The following ASPSCR1 variants were observed in gnomAD, a reference collection of about 807,000 sequenced individuals.
The protein encoded by ASPSCR1 is ASPSCR1 tether for SLC2A4, UBX domain containing, also known as tether containing UBX domain for GLUT4.
In ASPSCR1, 55 loss-of-function variants were observed where a neutral mutation model predicts 68.9. The ratio of observed to expected loss-of-function variants is 0.80; its 90% CI spans 0.64 to 1.00. The LOEUF (loss-of-function observed/expected upper bound fraction) is 1.00. Among genes scored for constraint, ASPSCR1 ranks in the 50% least tolerant of loss-of-function variants. The pLI is 0.00. For missense variants in ASPSCR1, 765 were observed against 762.2 expected, an observed-to-expected ratio of 1.00 and a Z score of -0.04; for synonymous variants, 352 against 332.6, an observed-to-expected ratio of 1.06 and a Z score of -0.63.
intron 9 of ASPSCR1, among the ~76,000 whole-genome samples, chr17:82,010,515 T>G (rs58866411): frequency 1.4e-5 from 2 of 139,608 alleles, no homozygotes; most frequent in African/African-American, 2.7e-5. Flanking sequence ...GGCGACAGAG[T>G]GAGACTCCAT....
At chr17:81,992,416 G>T (rs1446390632) in intron 4 of ASPSCR1, among the ~76,000 whole-genome samples, 1 of 152,224 alleles carries the variant, frequency 6.6e-6, no homozygotes, top group Non-Finnish European at 1.5e-5. Context: ...TCAAAGCCGG[G>T]CTGGCGTTTG....
At chr17:82,016,612 GT>G in intron 13 of ASPSCR1, 85 bp downstream of exon 13, 1 of 1,521,542 alleles carries the variant, frequency 6.6e-7, no homozygotes, top group South Asian at 1.2e-5. Flanking sequence ...AGGGCGTTCG[GT>G]CTGGGGCCTC....
chr17:81,985,476 A>G, intron 3 of ASPSCR1, 31 bp from the exon 4 acceptor site: 1 of 1,602,460 alleles, frequency 6.2e-7, no homozygotes. Flanking sequence ...TTTTCTTCCT[A>G]AGGAAGTTTC....
chr17:82,004,944 G>A (rs2042661230), intron 7 of ASPSCR1: 1 of 152,472 alleles, frequency 6.6e-6, no homozygotes, highest in Non-Finnish European at 1.5e-5. Flanking sequence ...CTGTCTGGAA[G>A]AGCCCAGCTG....
chr17:81,984,376 G>A (rs978576299), intron 3 of ASPSCR1, among the ~76,000 whole-genome samples: 2 of 151,972 alleles, frequency 1.3e-5, no homozygotes, highest in African/African-American at 2.4e-5. Context: ...TCAGGAGTTT[G>A]GGACCAGCCG....
In ASPSCR1 at chr17:81,994,885, G is replaced by A. The variant is rs377403408; in HGVS notation, c.432+7G>A. Reference sequence around the variant, plus strand: ...CGTGTACACGAGGGATGAGGTAGGCGGCCTGCTCTTGCTCACCCAGTCCCC... The same window carrying A: ...CGTGTACACGAGGGATGAGGTAGGCAGCCTGCTCTTGCTCACCCAGTCCCC... On this transcript the variant is annotated splice_region_variant and intron_variant, in intron 5 of 15. Transcript: ENST00000306739. 2.4e-5 allele frequency: 38 copies of A among 1,609,044 alleles called. No individual in the cohort carries two copies. The African/African-American group carries it at 3.2e-4, about 14-fold the overall frequency.
intron 9 of ASPSCR1, among the ~76,000 whole-genome samples, chr17:82,010,547 A>T (rs9896558): frequency 7.1e-6 from 1 of 141,312 alleles, no homozygotes; most frequent in Non-Finnish European, 1.5e-5. Context: ...AAAAAAAAAA[A>T]AAAAACCAGC....
At chr17:81,995,958 C>G in intron 5 of ASPSCR1, 34 bp from the exon 6 acceptor site, 6 of 1,598,286 alleles carry the variant, frequency 3.8e-6, no homozygotes, top group Non-Finnish European at 5.1e-6. Flanking sequence ...GGTCCCGGTG[C>G]AAGGCGCACC....
At chr17:82,012,689 G>A (rs916749530) in intron 12 of ASPSCR1, among the ~76,000 whole-genome samples, 8 of 152,164 alleles carry the variant, frequency 5.3e-5, no homozygotes, top group African/African-American at 1.4e-4. Flanking sequence ...GGAGGCGGCC[G>A]CCTTGGGCTT....
intron 12 of ASPSCR1, 71 bp from the exon 13 acceptor site, chr17:82,016,405 G>A (rs967244225): frequency 1.1e-5 from 16 of 1,392,506 alleles, no homozygotes; most frequent in East Asian, 2.5e-5. Context: ...GGCCCTGGGG[G>A]TGTAGCTGCC....
intron 7 of ASPSCR1, among the ~76,000 whole-genome samples, chr17:82,000,569 A>G (rs2042496813): frequency 6.6e-6 from 1 of 152,228 alleles, no homozygotes; most frequent in African/African-American, 2.4e-5. Context: ...CTTCAAAGGT[A>G]CACTTTAGTA....
chr17:81,990,002 G>A lies in ASPSCR1; in HGVS notation c.374+4395G>A, dbSNP rs907439309. ...GACAGGGTTTCACCATGTTGGCCAGGCTGGTCAGGTGATCAGCCCGCCTCG... is the reference window on the plus strand; with the variant it reads ...GACAGGGTTTCACCATGTTGGCCAGACTGGTCAGGTGATCAGCCCGCCTCG... On this transcript the variant is annotated intron_variant, in intron 4 of 15. Coordinates refer to ENST00000306739, the MANE Select transcript of ASPSCR1 (RefSeq NM_024083.4). The surrounding 1 kb of genome is among the most constrained non-coding windows in gnomAD (Gnocchi z 4.1). Among the ~76,000 whole-genome samples the A allele has an allele frequency of 2.6e-5, 4 of 152,172 alleles. No homozygotes were observed.
chr17:81,994,965 C>T lies in ASPSCR1; in HGVS notation c.432+87C>T, dbSNP rs770630933. ...AAATCTGCTGTCCCGCAGCCGTCTC[C>T]AGGGCAGTGGCGGGAGACTCGGGCT... On this transcript the variant is annotated intron_variant, in intron 5 of 15. Transcript: ENST00000306739. The T allele has an allele frequency of 3.6e-6, 5 of 1,391,060 alleles. No individual in the cohort carries two copies. In the East Asian group the frequency reaches 1.2e-4, roughly 34 times the overall value. 86.2% of individuals were successfully genotyped at this position (1,391,060 alleles called of 1,614,324 possible).
At chr17:82,010,326 G>A (rs528358101) in intron 9 of ASPSCR1, among the ~76,000 whole-genome samples, 18 of 151,108 alleles carry the variant, frequency 1.2e-4, no homozygotes, top group East Asian at 2.0e-4. Context: ...TCAGGAGATC[G>A]AGACCATCCT....
chr17:81,996,965 C>T (rs191242866), intron 7 of ASPSCR1, 119 bp downstream of exon 7: 37 of 1,499,900 alleles, frequency 2.5e-5, no homozygotes, highest in South Asian at 8.4e-5. Context: ...GGAACCCAAA[C>T]GCGCAGAGGA....
In ASPSCR1 at chr17:81,985,614, A is replaced by G; in HGVS notation, c.374+7A>G. On this transcript the variant is annotated splice_region_variant and intron_variant, in intron 4 of 15. Coordinates refer to ENST00000306739, the MANE Select transcript of ASPSCR1 (RefSeq NM_024083.4). ...GCCATTTTCCACAGATCAGGTGAGC[A>G]TCAGTGGGCTGGGGGCTCTTCCCTA... 4 of 1,612,364 alleles carry G rather than the reference A, an allele frequency of 2.5e-6. No homozygotes were observed. The highest frequency in any genetic ancestry group is 1.1e-5 in the South Asian group (1 of 91,060).
At chr17:81,978,509 G>C (rs1464266433) in intron 1 of ASPSCR1, 1 of 150,018 alleles carries the variant, frequency 6.7e-6, no homozygotes, top group Non-Finnish European at 1.5e-5. Flanking sequence ...CTGGGAGACA[G>C]AGCGAGACTC....
intron 3 of ASPSCR1, among the ~76,000 whole-genome samples, chr17:81,985,196 C>CCA (rs1045018341): frequency 1.9e-4 from 28 of 150,094 alleles, no homozygotes; most frequent in South Asian, 4.2e-4. Flanking sequence ...ATGCACACAT[C>CCA]CACACACATA....
chr17:82,016,267 G>A (rs2043121649), intron 12 of ASPSCR1: 4 of 590,208 alleles, frequency 6.8e-6, no homozygotes. Flanking sequence ...GTGGTCCCAT[G>A]GAGGGCGCTG....
Sources: gnomAD v4.1 joint callset for allele counts (sites outside exome capture counted in the v4.1 genomes callset) on GRCh38, gnomAD v4.1.1 for gene constraint, Gnocchi (gnomAD v3.1) non-coding constraint, MANE v1.5 for transcripts, NCBI Gene and HGNC (gene_info 2026-07-23, HGNC 2026-07-21) for gene names.